The following ZNF12 variants were observed in gnomAD, a reference collection of about 807,000 sequenced individuals.
ZNF12 encodes the protein gonadotropin inducible transcription repressor 3.
Under a neutral mutation model 66.6 loss-of-function variants are expected in ZNF12, and 34 were observed. That is an observed-to-expected ratio of 0.51 (90% CI 0.39 to 0.68). ZNF12 has a LOEUF of 0.68. Among genes scored for constraint, ZNF12 ranks in the 30% least tolerant of loss-of-function variants. ZNF12 has a pLI of 0.00. For synonymous variants in ZNF12, 320 were observed against 278.9 expected, an observed-to-expected ratio of 1.15 and a Z score of -1.47; for missense variants, 697 against 826.9, an observed-to-expected ratio of 0.84 and a Z score of 1.93.
chr7:6,692,899 A>G lies in ZNF12; in HGVS notation c.239-196T>C, dbSNP rs1780096941. ...TACACACACACAAACACACACACAC[A>G]CACACATCCCCCTCTAGGAATGGAG... On this transcript the variant is annotated intron_variant, in intron 4 of 4. Coordinates refer to ENST00000405858, the MANE Select transcript of ZNF12 (RefSeq NM_016265.4). The surrounding 1 kb of genome is among the most constrained non-coding windows in gnomAD (Gnocchi z 5.1). 1.3e-5 allele frequency among the ~76,000 whole-genome samples: 2 copies of G among 152,070 alleles called. No individual in the cohort carries two copies. Among genetic ancestry groups the G allele is most frequent in the Admixed American group, 1.3e-4 (2 of 15,252 alleles).
intron 2 of ZNF12, among the ~76,000 whole-genome samples, chr7:6,699,452 G>GA (rs147546714): frequency 6.6e-6 from 1 of 152,310 alleles, no homozygotes; most frequent in East Asian, 1.9e-4. Flanking sequence ...CTGCTGATGG[G>GA]ACACACGGTG....
Position 6,706,580 on chromosome 7 carries a change from G to A in ZNF12, c.-199C>T, listed in dbSNP as rs1445264390. The A allele has an allele frequency of 2.2e-6, 1 of 460,296 alleles. No individual in the cohort carries two copies. Among genetic ancestry groups the A allele is most frequent in the East Asian group, 6.9e-5 (1 of 14,552 alleles). The allele number at this position is 460,296 out of a possible 1,614,324, so 28.5% of individuals were successfully genotyped here. On this transcript the variant is annotated 5_prime_UTR_variant, in exon 1 of 5. Transcript: ENST00000405858. ...AGAGGGGCCCGGGCCGGGCCTACGG[G>A]ACAAATCCAGGCGGGGCGTCCCTCC... is the stretch of plus-strand genomic sequence containing the variant.
At position 6,692,676 on chromosome 7, in the gene ZNF12, A is replaced by G; in HGVS notation, c.266T>C (p.Ile89Thr). Residue 89 changes from isoleucine (I) to threonine (T), a missense_variant, in exon 5 of 5, where the codon ATA becomes ACA. Ile to Thr is a moderately conservative substitution (Grantham distance 89). Transcript: ENST00000405858. This position sits in a 1 kb window ranked among gnomAD's most constrained non-coding sequence, Gnocchi z 5.1. ...ATTTTCCTCTTCCTGGATTCTCTCTATTAGGTCATCAGTTTGCCAGACTTC... is the reference window on the plus strand; with the variant it reads ...ATTTTCCTCTTCCTGGATTCTCTCTGTTAGGTCATCAGTTTGCCAGACTTC... ...PDEVWQTDDL[I>T]ERIQEEENKP... 2 of 1,590,882 alleles carry G rather than the reference A, an allele frequency of 1.3e-6. No homozygotes were observed. Among genetic ancestry groups the G allele is most frequent in the Admixed American group, 1.8e-5 (1 of 54,126 alleles).
chr7:6,703,460 C>T (rs1229446753), intron 2 of ZNF12, among the ~76,000 whole-genome samples: 1 of 152,118 alleles, frequency 6.6e-6, no homozygotes, highest in Non-Finnish European at 1.5e-5. Flanking sequence ...TCAAAACAAT[C>T]GCGAGGTCAG....
intron 2 of ZNF12, among the ~76,000 whole-genome samples, chr7:6,700,156 G>A (rs932719597): frequency 6.6e-6 from 1 of 151,726 alleles, no homozygotes; most frequent in Non-Finnish European, 1.5e-5. Context: ...GTGGTGGCAG[G>A]CACCTGTAGT....
intron 2 of ZNF12, among the ~76,000 whole-genome samples, chr7:6,704,499 C>T (rs1780314311): frequency 7.5e-6 from 1 of 132,662 alleles, no homozygotes; most frequent in East Asian, 2.4e-4. Flanking sequence ...GAGGCCGAGG[C>T]GGGTGGATCA....
chr7:6,694,508 G>C (rs1486722589), intron 4 of ZNF12, among the ~76,000 whole-genome samples: 2 of 152,156 alleles, frequency 1.3e-5, no homozygotes, highest in Non-Finnish European at 2.9e-5. Context: ...TGCACAAGGA[G>C]GTTCCTAAGA....
At chr7:6,693,434 G>C (rs768750950) in intron 4 of ZNF12, among the ~76,000 whole-genome samples, 3 of 152,184 alleles carry the variant, frequency 2.0e-5, no homozygotes, top group Non-Finnish European at 4.4e-5. Flanking sequence ...CAGAGCTATA[G>C]GCTTATCTTG....
chr7:6,700,620 A>C (rs1043256576), intron 2 of ZNF12, among the ~76,000 whole-genome samples: 18 of 151,920 alleles, frequency 1.2e-4, no homozygotes, highest in African/African-American at 3.9e-4. Flanking sequence ...AGTCTCTATT[A>C]ATTTCAGCTT....
At chr7:6,699,333 C>T (rs1212575496) in intron 2 of ZNF12, among the ~76,000 whole-genome samples, 2 of 152,176 alleles carry the variant, frequency 1.3e-5, no homozygotes, top group Non-Finnish European at 2.9e-5. Context: ...GTTCTACTGA[C>T]TCCCTGAGAT....
intron 2 of ZNF12, among the ~76,000 whole-genome samples, chr7:6,702,331 T>C: frequency 1.4e-5 from 1 of 72,144 alleles, no homozygotes; most frequent in Non-Finnish European, 2.3e-5. Context: ...CACACCAGAT[T>C]CGTCTCCCAA....
intron 2 of ZNF12, among the ~76,000 whole-genome samples, chr7:6,702,340 A>C (rs1780261223): frequency 7.4e-6 from 1 of 134,550 alleles, no homozygotes; most frequent in Non-Finnish European, 1.5e-5. Context: ...TTCGTCTCCC[A>C]AACTACACAC....
chr7:6,706,218 G>C (rs1443371874), intron 1 of ZNF12, among the ~76,000 whole-genome samples: 4 of 152,196 alleles, frequency 2.6e-5, no homozygotes, highest in Non-Finnish European at 5.9e-5. Context: ...CTGCTGGGGT[G>C]AGGGGGGAGT....
chr7:6,700,334 C>CAT (rs1780218887), intron 2 of ZNF12, among the ~76,000 whole-genome samples: 4 of 136,898 alleles, frequency 2.9e-5, no homozygotes, highest in African/African-American at 9.0e-5. Context: ...CACACACACA[C>CAT]ACATATATAT....
rs1280042901 is a variant in ZNF12, at chr7:6,691,132, C to T, written c.1810G>A (p.Ala604Thr). 3.1e-6 allele frequency: 5 copies of T among 1,613,894 alleles called. No homozygotes were observed. Among genetic ancestry groups the T allele is most frequent in the Non-Finnish European group, 4.2e-6 (5 of 1,179,956 alleles). The change falls in exon 5 of 5, where the codon GCC (alanine) becomes ACC (threonine). Residue 604 changes from alanine to threonine, a missense_variant. Physicochemically the swap from Ala to Thr is moderately conservative, Grantham distance 58. Coordinates refer to ENST00000405858, the MANE Select transcript of ZNF12 (RefSeq NM_016265.4). ...TTCCCACATTCATAACATTCGTAGG[C>T]TTTCTCTCCTGTGTGTGTTCTCTGA... is the stretch of plus-strand genomic sequence containing the variant. ...RHQRTHTGEKAYECYECGKCF... is the reference protein window; with the variant it reads ...RHQRTHTGEKTYECYECGKCF...
At chr7:6,706,355 C>T (rs1780356893) in intron 1 of ZNF12, 77 bp downstream of exon 1, 3 of 454,236 alleles carry the variant, frequency 6.6e-6, no homozygotes, top group South Asian at 4.7e-5. Context: ...TTCCACTGTC[C>T]CTCACTCTAA....
In ZNF12 at chr7:6,692,486, T is replaced by C; in HGVS notation, c.456A>G (p.Glu152=). The C allele has an allele frequency of 6.2e-7, 1 of 1,613,330 alleles. No individual in the cohort carries two copies. Among genetic ancestry groups the C allele is most frequent in the Non-Finnish European group, 8.5e-7 (1 of 1,179,670 alleles). ...CATAGCTTCCATCACTACTAATATA[T>C]TCTGAAACAGACGTTAAACACTTTT... The part of the protein sequence containing the change: ...SCEKCLTSVS[E]YISSDGSYAR... The change falls in exon 5 of 5, where the codon GAA becomes GAG. Residue 152 remains glutamate, a synonymous_variant. Coordinates refer to ENST00000405858, the MANE Select transcript of ZNF12 (RefSeq NM_016265.4). The surrounding 1 kb of genome is among the most constrained non-coding windows in gnomAD (Gnocchi z 5.1).
At position 6,690,814 on chromosome 7, in the gene ZNF12, G is replaced by C. The variant is rs762298409; in HGVS notation, c.*34C>G. On this transcript the variant is annotated 3_prime_UTR_variant, in exon 5 of 5. Coordinates refer to ENST00000405858, the MANE Select transcript of ZNF12 (RefSeq NM_016265.4). ...GCAGGAGTTTCTGATTCACTATACTGAAAGGGTTCTCTGATATAAAATGAG... is the reference window on the plus strand; with the variant it reads ...GCAGGAGTTTCTGATTCACTATACTCAAAGGGTTCTCTGATATAAAATGAG... The C allele has an allele frequency of 1.9e-6, 3 of 1,549,620 alleles. No individual in the cohort carries two copies. In the African/African-American group the frequency reaches 4.1e-5, roughly 21 times the overall value.
intron 2 of ZNF12, among the ~76,000 whole-genome samples, chr7:6,704,568 T>TAAAAA (rs752684046): frequency 1.2e-5 from 1 of 84,836 alleles, no homozygotes; most frequent in Non-Finnish European, 2.2e-5. Context: ...GTCTCTACTT[T>TAAAAA]AAAAAAAAAA....
Sources: gnomAD v4.1 joint callset for allele counts (sites outside exome capture counted in the v4.1 genomes callset) on GRCh38, gnomAD v4.1.1 for gene constraint, Gnocchi (gnomAD v3.1) non-coding constraint, MANE v1.5 for transcripts, NCBI Gene and HGNC (gene_info 2026-07-23, HGNC 2026-07-21) for gene names.